Variants in JARID2 observed in about 807,000 individuals in gnomAD.
The protein encoded by JARID2 is jumonji and AT-rich interaction domain containing 2.
JARID2 carries 21 observed loss-of-function variants against 125.6 expected under a neutral mutation model. The ratio of observed to expected loss-of-function variants is 0.17; its 90% confidence interval spans 0.12 to 0.24. The LOEUF (loss-of-function observed/expected upper bound fraction) is 0.24, where lower values mean the gene tolerates loss of function less well. Among genes scored for constraint, JARID2 ranks in the 10% least tolerant of loss-of-function variants. JARID2 has a pLI of 1.00. For missense variants in JARID2, 1,303 were observed against 1,639.6 expected (o/e 0.79, Z 3.55); for synonymous variants, 736 against 661.6 (o/e 1.11, Z -1.73).
At chr6:15,502,592 A>T (rs2237111) in intron 8 of JARID2, among the ~76,000 whole-genome samples, 118,387 of 152,150 alleles carry the variant, frequency 0.78, 46,067 homozygotes, top group Admixed American at 0.82. Flanking sequence ...GGCTTCTGAT[A>T]CCATCACACA....
chr6:15,452,123 C>T lies in JARID2; in HGVS notation c.441C>T (p.Leu147=). ...LPPPATQISD[L]SKRKPKTEDF... is the part of the protein sequence containing the mutation. ...CTCCAGCTACTCAGATATCAGACCT[C>T]TCTAAAAGGAAGCCTAAGACAGAAG... Residue 147 remains leucine (L), a synonymous_variant, in exon 4 of 18, where the codon CTC becomes CTT. Transcript: ENST00000341776. 5 of 1,614,148 alleles carry T rather than the reference C, an allele frequency of 3.1e-6. No homozygotes were observed. The highest frequency in any genetic ancestry group is 4.2e-6 in the Non-Finnish European group (5 of 1,180,028).
chr6:15,249,960 G>A (rs994360133), intron 1 of JARID2, among the ~76,000 whole-genome samples: 20 of 152,142 alleles, frequency 1.3e-4, no homozygotes, highest in Non-Finnish European at 1.3e-4. Flanking sequence ...ATTTTCTGCC[G>A]TTTCCATCAT....
chr6:15,412,589 C>T (rs1765926651), intron 3 of JARID2, among the ~76,000 whole-genome samples: 1 of 152,176 alleles, frequency 6.6e-6, no homozygotes, highest in South Asian at 2.1e-4. Context: ...AGGCGTGAGT[C>T]ACCACACCCA....
chr6:15,487,580 C>T (rs779823517), intron 6 of JARID2, 38 bp downstream of exon 6: 4 of 1,486,350 alleles, frequency 2.7e-6, no homozygotes, highest in East Asian at 2.3e-5. Flanking sequence ...TGTGCCAGAC[C>T]CCAGTTTCCC....
intron 3 of JARID2, among the ~76,000 whole-genome samples, chr6:15,434,167 C>T (rs939109022): frequency 2.6e-5 from 4 of 151,398 alleles, no homozygotes; most frequent in African/African-American, 9.7e-5. Context: ...ATTTTTTAAA[C>T]GAAGTTTTGT....
At chr6:15,355,243 T>C (rs1019151507) in intron 1 of JARID2, among the ~76,000 whole-genome samples, 1 of 152,196 alleles carries the variant, frequency 6.6e-6, no homozygotes, top group Non-Finnish European at 1.5e-5. Flanking sequence ...AGTGATACTT[T>C]GTTAGAAATT....
chr6:15,320,852 CTGTGTGTG>C (rs71944757), intron 1 of JARID2, among the ~76,000 whole-genome samples: 79 of 145,410 alleles, frequency 5.4e-4, no homozygotes, highest in African/African-American at 1.7e-3. Flanking sequence ...CTCTCTCTCT[CTGTGTGTG>C]TGTGTGTGTG....
At chr6:15,454,487 G>A (rs1483308373) in intron 4 of JARID2, among the ~76,000 whole-genome samples, 7 of 152,184 alleles carry the variant, frequency 4.6e-5, no homozygotes, top group South Asian at 2.1e-4. Context: ...TTGGAGACAG[G>A]GTCTTGTCTC....
intron 4 of JARID2, among the ~76,000 whole-genome samples, chr6:15,456,034 C>G (rs1581589550): frequency 2.0e-5 from 3 of 152,196 alleles, no homozygotes; most frequent in Admixed American, 1.3e-4. Context: ...CAGGTCTTTA[C>G]TATGGCGCAA....
intron 5 of JARID2, among the ~76,000 whole-genome samples, chr6:15,478,348 G>T (rs986252023): frequency 2.0e-4 from 31 of 152,108 alleles, no homozygotes; most frequent in Non-Finnish European, 7.4e-5. Context: ...TTGGGGTTGT[G>T]GGGGAGGATA....
Position 15,522,026 on chromosome 6 carries a change from T to TTGTC in JARID2, c.*1781_*1784dup, listed in dbSNP as rs1317370020. 2.6e-4 allele frequency: 39 copies of TTGTC among 152,360 alleles called. No individual in the cohort carries two copies. Among genetic ancestry groups the TTGTC allele is most frequent in the African/African-American group, 9.4e-4 (39 of 41,572 alleles). The allele number at this position is 152,360 out of a possible 1,614,324, so 9.4% of individuals were successfully genotyped here. ...AATAAAAACAAAGTTTTTTGGACAT[T>TTGTC]TGTCTGTCTTGTGGAAGATGACTGA... On this transcript the variant is annotated 3_prime_UTR_variant, in exon 18 of 18. Coordinates refer to ENST00000341776, the MANE Select transcript of JARID2 (RefSeq NM_004973.4).
intron 1 of JARID2, among the ~76,000 whole-genome samples, chr6:15,300,690 TGTG>T (rs1381523087): frequency 7.6e-6 from 1 of 131,732 alleles, no homozygotes; most frequent in African/African-American, 3.1e-5. Context: ...ATGTTGTGTG[TGTG>T]TGTGTGTGTG....
intron 1 of JARID2, among the ~76,000 whole-genome samples, chr6:15,283,401 C>T (rs897551820): frequency 2.1e-5 from 3 of 145,452 alleles, no homozygotes; most frequent in East Asian, 2.0e-4. Context: ...AGCACAATAG[C>T]GTGATCGCGG....
chr6:15,468,780 G>A, intron 5 of JARID2, 62 bp downstream of exon 5: 1 of 1,512,144 alleles, frequency 6.6e-7, no homozygotes, highest in Non-Finnish European at 9.0e-7. Flanking sequence ...AGCTGGAAGA[G>A]AGCCTCTGCT....
intron 1 of JARID2, among the ~76,000 whole-genome samples, chr6:15,276,613 A>G (rs1241920975): frequency 6.6e-6 from 1 of 152,184 alleles, no homozygotes; most frequent in Non-Finnish European, 1.5e-5. Flanking sequence ...ATGACTTTCT[A>G]GAAGCCCTGT....
intron 2 of JARID2, among the ~76,000 whole-genome samples, chr6:15,395,466 C>T (rs551748673): frequency 4.6e-5 from 7 of 152,202 alleles, no homozygotes; most frequent in Admixed American, 6.5e-5. Context: ...GGGATTTCAT[C>T]GTGTTAGCCA....
rs372231832 is a variant in JARID2 at position 15,446,493 on chromosome 6, G to T, written c.324-5513G>T. 2.6e-5 allele frequency among the ~76,000 whole-genome samples: 4 copies of T among 152,314 alleles called. No homozygotes were observed. In the South Asian group the frequency reaches 6.2e-4, roughly 24 times the overall value. Reference sequence around the variant, plus strand: ...TATCTGGCCTAGAGGATGAGAAGCCGCCAGGCATGGCAAGAGAAAGAGTAT... The same window carrying T: ...TATCTGGCCTAGAGGATGAGAAGCCTCCAGGCATGGCAAGAGAAAGAGTAT... On this transcript the variant is annotated intron_variant, in intron 3 of 17. Coordinates refer to ENST00000341776, the MANE Select transcript of JARID2 (RefSeq NM_004973.4).
chr6:15,264,201 G>T (rs1319309829), intron 1 of JARID2, among the ~76,000 whole-genome samples: 2 of 152,196 alleles, frequency 1.3e-5, no homozygotes, highest in Non-Finnish European at 2.9e-5. Context: ...TTCTGTAGGA[G>T]CACATGTCTT....
chr6:15,509,336 A>G (rs1395842938), intron 12 of JARID2: 3 of 985,292 alleles, frequency 3.0e-6, no homozygotes, highest in African/African-American at 1.7e-5. Context: ...TGGGGTGATT[A>G]AACATTCTTT....
Sources: allele counts gnomAD v4.1 joint callset (sites outside exome capture counted in the v4.1 genomes callset), GRCh38; gene constraint gnomAD v4.1.1; transcripts MANE v1.5; gene names NCBI Gene and HGNC (gene_info 2026-07-23, HGNC 2026-07-21).